Variants in AGPAT3 observed in about 807,000 individuals in gnomAD.
AGPAT3 encodes the protein 1-acyl-sn-glycerol-3-phosphate acyltransferase gamma.
In AGPAT3, 5 loss-of-function variants were observed where a neutral mutation model predicts 47.3. The ratio of observed to expected loss-of-function variants is 0.11; its 90% CI spans 0.06 to 0.22. The LOEUF is 0.22. AGPAT3 is among the 10% of genes least tolerant of loss of function. The pLI, the probability that AGPAT3 is intolerant of heterozygous loss-of-function variation, is 1.00. For missense variants in AGPAT3, 315 were observed against 493.0 expected, an observed-to-expected ratio of 0.64 and a Z score of 3.42; for synonymous variants, 212 against 208.3, an observed-to-expected ratio of 1.02 and a Z score of -0.15.
intron 1 of AGPAT3, among the ~76,000 whole-genome samples, chr21:43,889,035 C>T (rs778950814): frequency 6.6e-6 from 1 of 151,942 alleles, no homozygotes; most frequent in Non-Finnish European, 1.5e-5. Flanking sequence ...CTTATCTGTA[C>T]ATTATTTCAG....
chr21:43,951,205 G>A (rs763126641), intron 2 of AGPAT3, among the ~76,000 whole-genome samples: 13 of 152,316 alleles, frequency 8.5e-5, no homozygotes, highest in East Asian at 1.9e-4. Context: ...CCTTGGGTGC[G>A]GGGTGGGCGG....
chr21:43,901,161 G>A (rs2086341272), intron 1 of AGPAT3, among the ~76,000 whole-genome samples: 2 of 152,028 alleles, frequency 1.3e-5, no homozygotes, highest in Non-Finnish European at 2.9e-5. Flanking sequence ...TCTTTTGTTT[G>A]TTTTAAGAAA....
chr21:43,894,233 T>TTA (rs1555898741), intron 1 of AGPAT3, among the ~76,000 whole-genome samples: 2 of 151,150 alleles, frequency 1.3e-5, no homozygotes, highest in African/African-American at 4.9e-5. Flanking sequence ...TTTTTTTTTT[T>TTA]AACTTCTCTA....
chr21:43,931,777 A>G (rs1296630550), intron 2 of AGPAT3, among the ~76,000 whole-genome samples: 1 of 152,136 alleles, frequency 6.6e-6, no homozygotes, highest in Non-Finnish European at 1.5e-5. Flanking sequence ...CTTATGCCAA[A>G]ATCCATTATT....
intron 3 of AGPAT3, chr21:43,965,838 C>T (rs528362593): frequency 6.6e-6 from 1 of 152,258 alleles, no homozygotes; most frequent in East Asian, 1.9e-4. Context: ...GTCTTGAACT[C>T]CTGGCCTCAA....
chr21:43,954,196 T>C lies in AGPAT3; in HGVS notation c.-48-5438T>C, dbSNP rs1195361891. Among the ~76,000 whole-genome samples the C allele has an allele frequency of 6.6e-6, 1 of 152,142 alleles. No individual in the cohort carries two copies. Among genetic ancestry groups the C allele is most frequent in the Non-Finnish European group, 1.5e-5 (1 of 68,012 alleles). On this transcript the variant is annotated intron_variant, in intron 2 of 9. Transcript: ENST00000291572. The surrounding 1 kb of genome is among the most constrained non-coding windows in gnomAD (Gnocchi z 4.0). ...TTGAAGCTGGAGGCGGGGACCGGTGTGGCCAAGCAGGGCACCTTCCTCACC... is the reference window on the plus strand; with the variant it reads ...TTGAAGCTGGAGGCGGGGACCGGTGCGGCCAAGCAGGGCACCTTCCTCACC...
rs918495896 is a variant in AGPAT3, at chr21:43,985,229, G to T, written c.*2837G>T. 1 of 456,252 alleles carries T rather than the reference G, an allele frequency of 2.2e-6. No individual in the cohort carries two copies. The highest frequency in any genetic ancestry group is 6.9e-5 in the East Asian group (1 of 14,394). 28.3% of individuals were successfully genotyped at this position (456,252 alleles called of 1,614,324 possible). A position where few individuals can be genotyped will look rare whatever the true frequency, so the allele number is the denominator to read the frequency against. ...ATTGCTGTCTTCATCGTCTTCCCCC[G>T]TGTGAGACACTGGTTGTCTGGTACT... On this transcript the variant is annotated 3_prime_UTR_variant, in exon 10 of 10. Transcript: ENST00000291572.
chr21:43,890,527 C>T (rs918000800), intron 1 of AGPAT3, among the ~76,000 whole-genome samples: 2 of 151,840 alleles, frequency 1.3e-5, no homozygotes, highest in African/African-American at 2.4e-5. Context: ...ATCCTCCCAC[C>T]TCAGCCTCCC....
At chr21:43,892,749 G>A (rs993993336) in intron 1 of AGPAT3, among the ~76,000 whole-genome samples, 1 of 152,208 alleles carries the variant, frequency 6.6e-6, no homozygotes, top group African/African-American at 2.4e-5. Context: ...AGTTGTGAAA[G>A]TCCTAGATGG....
chr21:43,927,718 T>G (rs1018379737), intron 2 of AGPAT3, among the ~76,000 whole-genome samples: 5 of 152,208 alleles, frequency 3.3e-5, no homozygotes, highest in Non-Finnish European at 5.9e-5. Flanking sequence ...TTTTGAGTCC[T>G]GATTCTGCTA....
At chr21:43,945,583 C>T (rs1310680803) in intron 2 of AGPAT3, among the ~76,000 whole-genome samples, 1 of 152,094 alleles carries the variant, frequency 6.6e-6, no homozygotes, top group Non-Finnish European at 1.5e-5. Context: ...TGAGCCCTGT[C>T]CCCGCAGAGA....
chr21:43,935,850 G>C (rs1170514209), intron 2 of AGPAT3, among the ~76,000 whole-genome samples: 2 of 152,242 alleles, frequency 1.3e-5, no homozygotes, highest in African/African-American at 2.4e-5. Flanking sequence ...AGATTAAGGA[G>C]TGGAGAAGCC....
At chr21:43,960,991 T>C (rs1230830452) in intron 3 of AGPAT3, among the ~76,000 whole-genome samples, 1 of 151,730 alleles carries the variant, frequency 6.6e-6, no homozygotes, top group Non-Finnish European at 1.5e-5. Flanking sequence ...AAATACAAAA[T>C]TAGCTGAGCA....
intron 7 of AGPAT3, among the ~76,000 whole-genome samples, chr21:43,977,641 G>C (rs1227597033): frequency 6.6e-6 from 1 of 152,226 alleles, no homozygotes; most frequent in Non-Finnish European, 1.5e-5. Context: ...ACTTTGGGAG[G>C]CTGAGGCGGG....
chr21:43,985,582 G>C lies in AGPAT3; in HGVS notation c.*3190G>C, dbSNP rs945274480. The C allele has an allele frequency of 3.9e-6, 1 of 257,652 alleles. No individual in the cohort carries two copies. Among genetic ancestry groups the C allele is most frequent in the Non-Finnish European group, 7.6e-6 (1 of 131,212 alleles). The allele number at this position is 257,652 out of a possible 1,614,324, so 16.0% of individuals were successfully genotyped here. A position where few individuals can be genotyped will look rare whatever the true frequency, so the allele number is the denominator to read the frequency against. ...GGACCCAGCTGTGTGTTTCACTCAC[G>C]TGCAATTGAGTAGCTGTTGCCAGGC... On this transcript the variant is annotated 3_prime_UTR_variant, in exon 10 of 10. Coordinates refer to ENST00000291572, the MANE Select transcript of AGPAT3 (RefSeq NM_020132.5).
chr21:43,926,684 G>T (rs2087066257), intron 2 of AGPAT3, among the ~76,000 whole-genome samples: 1 of 141,696 alleles, frequency 7.1e-6, no homozygotes, highest in African/African-American at 2.7e-5. Context: ...GGAGGGCTGG[G>T]CATAGTGGCT....
chr21:43,903,933 G>A (rs1490113493), intron 1 of AGPAT3, 24 bp from the exon 2 acceptor site: 2 of 152,318 alleles, frequency 1.3e-5, no homozygotes, highest in Admixed American at 6.5e-5. Context: ...CAAGCACGTT[G>A]ACATGTGTGC....
chr21:43,966,232 G>A (rs897453243), intron 3 of AGPAT3: 5 of 152,260 alleles, frequency 3.3e-5, no homozygotes, highest in African/African-American at 4.8e-5. Flanking sequence ...AGCGCAGCTC[G>A]TCTTTCCAGA....
In AGPAT3 at chr21:43,985,093, C is replaced by A. The variant is rs11911398; in HGVS notation, c.*2701C>A. ...CCAGGCCCACCCACGGGCGTCTGGC[C>A]GGTCAAGCTCCCAGCCTGGGCCGTG... On this transcript the variant is annotated 3_prime_UTR_variant, in exon 10 of 10. Coordinates refer to ENST00000291572, the MANE Select transcript of AGPAT3 (RefSeq NM_020132.5). 0.11 allele frequency: 51,746 copies of A among 456,014 alleles called. 3,567 individuals are homozygous for A. Among genetic ancestry groups the A allele is most frequent in the African/African-American group, 0.22 (10,887 of 50,140 alleles). 28.2% of individuals were successfully genotyped at this position (456,014 alleles called of 1,614,324 possible). A position where few individuals can be genotyped will look rare whatever the true frequency, so the allele number is the denominator to read the frequency against.
Sources: allele counts gnomAD v4.1 joint callset (sites outside exome capture counted in the v4.1 genomes callset), GRCh38; gene constraint gnomAD v4.1.1; non-coding constraint Gnocchi (gnomAD v3.1); transcripts MANE v1.5; gene names NCBI Gene and HGNC (gene_info 2026-07-23, HGNC 2026-07-21).